The following ARK2N variants were observed in gnomAD, a reference collection of about 807,000 sequenced individuals.
The protein encoded by ARK2N is arkadia (RNF111) N-terminal like PKA signaling regulator 2N, also known as protein ARK2N.
the ARK2N span, among the ~76,000 whole-genome samples, chr18:46,254,403 A>G: frequency 6.6e-6 from 1 of 152,262 alleles, no homozygotes; most frequent in Non-Finnish European, 1.5e-5. Context: ...GGTGTGTAGC[A>G]TTATAAACAT....
chr18:46,202,989 T>C, the ARK2N span, among the ~76,000 whole-genome samples: 3 of 151,992 alleles, frequency 2.0e-5, no homozygotes, highest in Admixed American at 6.6e-5. Context: ...AAACCAACCA[T>C]GCTAGTGTTG....
the ARK2N span, among the ~76,000 whole-genome samples, chr18:46,259,900 C>CAGAGATGGGGTTTCACCAT: frequency 9.9e-6 from 1 of 101,022 alleles, no homozygotes; most frequent in Non-Finnish European, 2.1e-5. Context: ...TGTGTGTGTG[C>CAGAGATGGGGTTTCACCAT]GACAGAGATG....
At chr18:46,240,034 A>G in the ARK2N span, 2 of 1,614,134 alleles carry the variant, frequency 1.2e-6, no homozygotes, top group East Asian at 4.5e-5. Flanking sequence ...TCATTATGAT[A>G]TGTCTGACAC....
At chr18:46,245,517 GC>G in the ARK2N span, among the ~76,000 whole-genome samples, 1 of 149,852 alleles carries the variant, frequency 6.7e-6, no homozygotes, top group South Asian at 2.1e-4. Context: ...GTTGCAGTGA[GC>G]CGAGATTGCA....
At chr18:46,200,863 C>T in the ARK2N span, among the ~76,000 whole-genome samples, 1 of 152,092 alleles carries the variant, frequency 6.6e-6, no homozygotes, top group Non-Finnish European at 1.5e-5. Context: ...GTGCCTAGCT[C>T]ATGCTAACTA....
At chr18:46,216,397 G>T in the ARK2N span, 6 of 1,614,094 alleles carry the variant, frequency 3.7e-6, no homozygotes, top group South Asian at 6.6e-5. This position sits in a 1 kb window ranked among gnomAD's most constrained non-coding sequence, Gnocchi z 4.3. Flanking sequence ...CAAGGTTAAA[G>T]GTCATCGGAG....
the ARK2N span, among the ~76,000 whole-genome samples, chr18:46,260,148 A>G: frequency 6.6e-6 from 1 of 152,188 alleles, no homozygotes; most frequent in South Asian, 2.1e-4. Flanking sequence ...TTGAGTACTT[A>G]AAAGGCAATT....
the ARK2N span, among the ~76,000 whole-genome samples, chr18:46,235,191 G>A: frequency 6.6e-6 from 1 of 152,160 alleles, no homozygotes; most frequent in Non-Finnish European, 1.5e-5. Flanking sequence ...ATTTCCATTT[G>A]GCTTTGAAAC....
chr18:46,216,648 T>A, the ARK2N span: 1 of 1,447,586 alleles, frequency 6.9e-7, no homozygotes, highest in Non-Finnish European at 9.3e-7. This position sits in a 1 kb window ranked among gnomAD's most constrained non-coding sequence, Gnocchi z 4.3. Context: ...ATTTCTCAGC[T>A]ATCAGGTTCA....
chr18:46,215,811 G>A, the ARK2N span: 3 of 1,408,774 alleles, frequency 2.1e-6, no homozygotes, highest in Non-Finnish European at 2.9e-6. Context: ...TTTTGTACAG[G>A]TTGCTTTCCT....
At chr18:46,249,556 A>T in the ARK2N span, among the ~76,000 whole-genome samples, 1 of 152,118 alleles carries the variant, frequency 6.6e-6, no homozygotes, top group Non-Finnish European at 1.5e-5. Flanking sequence ...CGTAGTGGCT[A>T]CTTCGCTTTT....
chr18:46,223,721 A>G, the ARK2N span, among the ~76,000 whole-genome samples: 1 of 152,114 alleles, frequency 6.6e-6, no homozygotes, highest in African/African-American at 2.4e-5. Context: ...TTATTCAGCA[A>G]GTATCTGAGC....
At chr18:46,179,694 C>T in the ARK2N span, among the ~76,000 whole-genome samples, 7 of 151,122 alleles carry the variant, frequency 4.6e-5, no homozygotes, top group Non-Finnish European at 8.8e-5. Context: ...GGCGCCATCT[C>T]CGCTCACCGC....
the ARK2N span, among the ~76,000 whole-genome samples, chr18:46,227,100 C>T: frequency 2.0e-5 from 3 of 152,202 alleles, no homozygotes; most frequent in Non-Finnish European, 4.4e-5. Context: ...TGAGCCACTG[C>T]GCCTGGCCTG....
At chr18:46,263,157 A>G in the ARK2N span, 3 of 1,526,448 alleles carry the variant, frequency 2.0e-6, no homozygotes, top group South Asian at 1.2e-5. Flanking sequence ...GTTCCCTTCC[A>G]CTTCCTCATC....
chr18:46,194,514 G>A, the ARK2N span, among the ~76,000 whole-genome samples: 15 of 150,290 alleles, frequency 1.0e-4, no homozygotes, highest in Non-Finnish European at 1.8e-4. Flanking sequence ...GCTGTGTCAC[G>A]CAGGCTGGAG....
At chr18:46,206,186 A>G in the ARK2N span, among the ~76,000 whole-genome samples, 1 of 151,982 alleles carries the variant, frequency 6.6e-6, no homozygotes, top group South Asian at 2.1e-4. Flanking sequence ...CTGAGGCTCA[A>G]GTGATCTTCC....
At chr18:46,196,796 T>C in the ARK2N span, among the ~76,000 whole-genome samples, 36 of 152,206 alleles carry the variant, frequency 2.4e-4, no homozygotes, top group Non-Finnish European at 8.8e-5. Flanking sequence ...GTAGACCTGA[T>C]GGGCTGGAGG....
chr18:46,227,850 A>T, the ARK2N span, among the ~76,000 whole-genome samples: 1 of 152,098 alleles, frequency 6.6e-6, no homozygotes, highest in Non-Finnish European at 1.5e-5. Context: ...TGCCTGCCTC[A>T]GCCTCCCAAA....
Sources: allele counts gnomAD v4.1 joint callset (sites outside exome capture counted in the v4.1 genomes callset), GRCh38; gene constraint gnomAD v4.1.1; non-coding constraint Gnocchi (gnomAD v3.1); transcripts MANE v1.5; gene names NCBI Gene and HGNC (gene_info 2026-07-23, HGNC 2026-07-21).